The following SH3KBP1 variants were observed in gnomAD, a reference collection of about 807,000 sequenced individuals.
SH3KBP1 encodes the protein SH3 domain-containing kinase-binding protein 1.
A neutral mutation model predicts 50.1 loss-of-function variants in SH3KBP1; 8 were observed. The observed-to-expected ratio is 0.16, with a 90% CI of 0.09 to 0.29. The LOEUF is 0.29. Among genes scored for constraint, SH3KBP1 ranks in the 10% least tolerant of loss-of-function variants. The pLI is 1.00. For synonymous variants in SH3KBP1, 227 were observed against 218.6 expected, an observed-to-expected ratio of 1.04 and a Z score of -0.34; for missense variants, 377 against 535.2, an observed-to-expected ratio of 0.70 and a Z score of 2.92.
At chrX:19,643,113 T>G (rs1452874827) in intron 7 of SH3KBP1, among the ~76,000 whole-genome samples, 1 of 109,050 alleles carries the variant, frequency 9.2e-6, no homozygotes, top group Non-Finnish European at 1.9e-5. Flanking sequence ...AGTTACTCTG[T>G]GGCCTGTTAC....
rs781189419 is a variant in SH3KBP1 at position 19,706,827 on chromosome X, A to G, written c.390+54T>C. ...AAGGCGTCTTCATGGGTGGGTAAGCAGTGACTATGACAGCCCATTCGAGGC... is the reference window on the plus strand; with the variant it reads ...AAGGCGTCTTCATGGGTGGGTAAGCGGTGACTATGACAGCCCATTCGAGGC... On this transcript the variant is annotated intron_variant, in intron 4 of 17. Coordinates refer to ENST00000397821, the MANE Select transcript of SH3KBP1 (RefSeq NM_031892.3). The G allele has an allele frequency of 9.1e-4, 871 of 957,924 alleles. 10 individuals are homozygous for G. In the South Asian group the frequency reaches 0.017, roughly 18 times the overall value. 78.9% of individuals were successfully genotyped at this position (957,924 alleles called of 1,213,427 possible).
intron 5 of SH3KBP1, chrX:19,687,618 G>A: frequency 1.7e-6 from 2 of 1,203,108 alleles, no homozygotes; most frequent in Non-Finnish European, 2.3e-6. Context: ...GTCACTCACT[G>A]TAATAGCGTC....
At chrX:19,687,010 C>G (rs767619975) in intron 5 of SH3KBP1, among the ~76,000 whole-genome samples, 1 of 112,252 alleles carries the variant, frequency 8.9e-6, no homozygotes, top group African/African-American at 3.2e-5. Flanking sequence ...AAGAACTGTT[C>G]TAAGGGCATC....
intron 2 of SH3KBP1, among the ~76,000 whole-genome samples, chrX:19,781,799 G>A (rs138366148): frequency 8.1e-5 from 9 of 111,441 alleles, no homozygotes; most frequent in African/African-American, 2.3e-4. Flanking sequence ...TTGCATAACT[G>A]GGTATGTTTA....
chrX:19,618,527 A>G (rs1272257718), intron 8 of SH3KBP1, among the ~76,000 whole-genome samples: 1 of 111,515 alleles, frequency 9.0e-6, no homozygotes, highest in African/African-American at 3.3e-5. Flanking sequence ...ACATGGCTAT[A>G]TAGTTTGTAT....
rs758962656 is a variant in SH3KBP1 at position 19,687,716 on chromosome X, G to C, written c.521-3688C>G. ...CCTGACAGTGAATGAGAGAAGAGAA[G>C]GGGAGAGAAAAACAAGAGAGGGGGG... is the stretch of plus-strand genomic sequence containing the variant. On this transcript the variant is annotated intron_variant, in intron 5 of 17. Transcript: ENST00000397821. 4.4e-6 allele frequency: 5 copies of C among 1,135,952 alleles called. No homozygotes were observed. In the Admixed American group the frequency reaches 1.1e-4, roughly 25 times the overall value. The allele number at this position is 1,135,952 out of a possible 1,213,427, so 93.6% of individuals were successfully genotyped here.
At chrX:19,747,623 C>G in intron 2 of SH3KBP1, 3 of 341,831 alleles carry the variant, frequency 8.8e-6, no homozygotes, top group Middle Eastern at 4.4e-4. Flanking sequence ...AACAATGCCA[C>G]TCCCCGCAGC....
chrX:19,835,562 A>G (rs192083158), intron 2 of SH3KBP1, among the ~76,000 whole-genome samples: 27 of 107,893 alleles, frequency 2.5e-4, no homozygotes, highest in Non-Finnish European at 1.9e-5. Context: ...AGTACATACA[A>G]CAATTTAACA....
At chrX:19,806,501 G>GCGAGACTCCATCT (rs1180436776) in intron 2 of SH3KBP1, among the ~76,000 whole-genome samples, 1 of 111,429 alleles carries the variant, frequency 9.0e-6, no homozygotes, top group African/African-American at 3.3e-5. Context: ...GGGCGACACA[G>GCGAGACTCCATCT]CGAGACTCCA....
intron 2 of SH3KBP1, among the ~76,000 whole-genome samples, chrX:19,782,269 C>T (rs1156928913): frequency 8.9e-6 from 1 of 111,733 alleles, no homozygotes; most frequent in Non-Finnish European, 1.9e-5. Flanking sequence ...AAGCCAGGAG[C>T]CACCAGAAGC....
intron 14 of SH3KBP1, among the ~76,000 whole-genome samples, chrX:19,547,862 G>A (rs1278010579): frequency 3.6e-5 from 4 of 112,520 alleles, no homozygotes; most frequent in Admixed American, 2.8e-4. Flanking sequence ...AAAATCCACA[G>A]GTGCTAACTG....
At position 19,592,389 on chromosome X, in the gene SH3KBP1, T is replaced by C. The variant is rs181365197; in HGVS notation, c.1058-242A>G. Among the ~76,000 whole-genome samples, 154 of 111,766 alleles carry C rather than the reference T, an allele frequency of 1.4e-3. 1 individual carries two copies. Among genetic ancestry groups the C allele is most frequent in the Middle Eastern group, 4.6e-3 (1 of 218 alleles). On this transcript the variant is annotated intron_variant, in intron 10 of 17. Coordinates refer to ENST00000397821, the MANE Select transcript of SH3KBP1 (RefSeq NM_031892.3). ...TTTACAAGAATACCACTAATAATATTTTCTGATATTTAAGCCTGATTTCCT... is the reference window on the plus strand; with the variant it reads ...TTTACAAGAATACCACTAATAATATCTTCTGATATTTAAGCCTGATTTCCT...
Position 19,692,689 on chromosome X carries a change from A to ATTTTT in SH3KBP1, c.520+2918_520+2922dup, listed in dbSNP as rs1186773036. ...TGTGTGTATGTATATATATATATAT[A>ATTTTT]TTTTTTTTTTTTTTTAATAGTCTCT... On this transcript the variant is annotated intron_variant, in intron 5 of 17. Transcript: ENST00000397821. Among the ~76,000 whole-genome samples the ATTTTT allele has an allele frequency of 2.8e-3, 213 of 75,004 alleles. 4 individuals are homozygous for ATTTTT. The highest frequency in any genetic ancestry group is 0.011 in the African/African-American group (206 of 18,096). 65.1% of individuals were successfully genotyped at this position (75,004 alleles called of 115,157 possible). A position where few individuals can be genotyped will look rare whatever the true frequency, so the allele number is the denominator to read the frequency against.
chrX:19,803,806 T>G (rs774956524), intron 2 of SH3KBP1, among the ~76,000 whole-genome samples: 1 of 112,100 alleles, frequency 8.9e-6, no homozygotes, highest in East Asian at 2.8e-4. Flanking sequence ...CATGGTGGTA[T>G]CTGCTTTATC....
chrX:19,644,550 A>G (rs2061947663), intron 7 of SH3KBP1, among the ~76,000 whole-genome samples: 1 of 112,060 alleles, frequency 8.9e-6, no homozygotes, highest in South Asian at 3.7e-4. Context: ...ACACTTTCCA[A>G]TATGGTTGCC....
intron 7 of SH3KBP1, among the ~76,000 whole-genome samples, chrX:19,636,116 A>C (rs1366685700): frequency 9.0e-6 from 1 of 110,500 alleles, no homozygotes; most frequent in Non-Finnish European, 1.9e-5. Flanking sequence ...TTAGAGATCA[A>C]ATAGGAATGA....
intron 2 of SH3KBP1, among the ~76,000 whole-genome samples, chrX:19,833,226 G>C (rs1198169450): frequency 9.8e-6 from 1 of 101,958 alleles, no homozygotes; most frequent in Non-Finnish European, 2.0e-5. Flanking sequence ...CTTTCCCACA[G>C]TCCTTCTTGC....
At chrX:19,755,507 T>C (rs767822723) in intron 2 of SH3KBP1, among the ~76,000 whole-genome samples, 134 of 111,693 alleles carry the variant, frequency 1.2e-3, no homozygotes, top group Non-Finnish European at 2.2e-3. Context: ...GAGCTCCTTC[T>C]ACAAAGTATC....
chrX:19,842,396 C>T (rs1015276456), intron 1 of SH3KBP1, among the ~76,000 whole-genome samples: 5 of 110,547 alleles, frequency 4.5e-5, no homozygotes, highest in African/African-American at 1.6e-4. Context: ...TGTGGTGGCA[C>T]GTGCCTGTAA....
Sources: gnomAD v4.1 joint callset for allele counts (sites outside exome capture counted in the v4.1 genomes callset) on GRCh38, gnomAD v4.1.1 for gene constraint, MANE v1.5 for transcripts, NCBI Gene and HGNC (gene_info 2026-07-23, HGNC 2026-07-21) for gene names.